The following SLX4 variants were observed in gnomAD, a reference collection of about 807,000 sequenced individuals.
The protein encoded by SLX4 is SLX4 structure-specific endonuclease subunit, also known as structure-specific endonuclease subunit SLX4.
Under a neutral mutation model 146.2 loss-of-function variants are expected in SLX4, and 112 were observed. The observed-to-expected ratio is 0.77, with a 90% CI of 0.66 to 0.90. SLX4 has a LOEUF of 0.90. Ranked by LOEUF, SLX4 falls within the 40% of genes least tolerant of loss-of-function variation. The pLI is 0.00. For missense variants in SLX4, 2,563 were observed against 2,392.7 expected, an observed-to-expected ratio of 1.07 and a Z score of -1.49; for synonymous variants, 1,061 against 997.7, an observed-to-expected ratio of 1.06 and a Z score of -1.20.
At position 3,582,264 on chromosome 16, in the gene SLX4, G is replaced by A; in HGVS notation, c.*78C>T. 2 of 1,318,158 alleles carry A rather than the reference G, an allele frequency of 1.5e-6. No homozygotes were observed. The highest frequency in any genetic ancestry group is 2.1e-6 in the Non-Finnish European group (2 of 946,152). The allele number at this position is 1,318,158 out of a possible 1,614,324, so 81.7% of individuals were successfully genotyped here. A position where few individuals can be genotyped will look rare whatever the true frequency, so the allele number is the denominator to read the frequency against. On this transcript the variant is annotated 3_prime_UTR_variant, in exon 15 of 15. Transcript: ENST00000294008. ...GCCTGTGGAGGCCTGACCCACGCTGGGTGTCCCAGGTCCTCCCTGCAAATG... is the reference window on the plus strand; with the variant it reads ...GCCTGTGGAGGCCTGACCCACGCTGAGTGTCCCAGGTCCTCCCTGCAAATG...
chr16:3,582,379 CGCCTCCTGCCCTGGA>C lies in SLX4; in HGVS notation c.5453_5467del (p.Leu1818_Arg1822del), dbSNP rs1555449259. ...CACCTTCTTCTTGCCCCGAGGCTGC[CGCCTCCTGCCCTGGA>C]GCTTCTCCCTGCGGGTGGCGGCAGT... On this transcript the variant is annotated inframe_deletion, in exon 15 of 15. Transcript: ENST00000294008. 6.2e-7 allele frequency: 1 copy of C among 1,613,452 alleles called. No individual in the cohort carries two copies. The highest frequency in any genetic ancestry group is 8.5e-7 in the Non-Finnish European group (1 of 1,180,054).
rs3810814 is a variant in SLX4 at position 3,589,876 on chromosome 16, C to T, written c.3762G>A (p.Ser1254=). The part of the protein sequence containing the change: ...SPSEASTTDT[S]WLVPATPLAS... ...CCAGCGGGGTGGCGGGCACCAGCCA[C>T]GAGGTGTCTGTGGTGCTGGCCTCGC... The change falls in exon 12 of 15, where the codon TCG becomes TCA. Residue 1254 remains serine, a synonymous_variant. Transcript: ENST00000294008. The surrounding 1 kb of genome is among the most constrained non-coding windows in gnomAD (Gnocchi z 6.2). The T allele has an allele frequency of 2.1e-4, 336 of 1,613,746 alleles. 4 individuals carry two copies. In the East Asian group the frequency reaches 6.7e-3, roughly 32 times the overall value.
intron 11 of SLX4, 147 bp from the exon 12 acceptor site, chr16:3,591,457 A>T (rs542696055): frequency 8.3e-6 from 10 of 1,210,192 alleles, no homozygotes; most frequent in Non-Finnish European, 1.2e-5. Context: ...CGGTGTCCAC[A>T]CTCCTTGCCA....
intron 10 of SLX4, 109 bp downstream of exon 10, chr16:3,594,344 G>T (rs2040626006): frequency 7.0e-7 from 1 of 1,438,798 alleles, no homozygotes; most frequent in Non-Finnish European, 9.5e-7. Context: ...GTGAGGGAGA[G>T]TGGGGGGGTG....
intron 5 of SLX4, among the ~76,000 whole-genome samples, chr16:3,599,826 T>C (rs1262287064): frequency 6.6e-6 from 1 of 152,178 alleles, no homozygotes; most frequent in Non-Finnish European, 1.5e-5. Flanking sequence ...GCTCAAGTGA[T>C]CCTTCCGCCC....
chr16:3,589,059 G>A lies in SLX4; in HGVS notation c.4579C>T (p.Pro1527Ser). ...EEQRPPETPP[P>S]AQMPSAGGAQ... The stretch of plus-strand genomic sequence containing the variant: ...CCACCAGCGCTTGGCATCTGGGCCG[G>A]AGGAGGGGTCTCTGGAGGCCTCTGC... The change falls in exon 12 of 15, where the codon CCG (proline) becomes TCG (serine). Residue 1527 changes from proline (P) to serine (S), a missense_variant. Coordinates refer to ENST00000294008, the MANE Select transcript of SLX4 (RefSeq NM_032444.4). The surrounding 1 kb of genome is among the most constrained non-coding windows in gnomAD (Gnocchi z 6.2). 6.2e-7 allele frequency: 1 copy of A among 1,614,182 alleles called. No homozygotes were observed. Among genetic ancestry groups the A allele is most frequent in the Non-Finnish European group, 8.5e-7 (1 of 1,180,038 alleles).
In SLX4 at chr16:3,608,677, A is replaced by T; in HGVS notation, c.288T>A (p.Thr96=). 1 of 1,614,136 alleles carries T rather than the reference A, an allele frequency of 6.2e-7. No homozygotes were observed. The highest frequency in any genetic ancestry group is 8.5e-7 in the Non-Finnish European group (1 of 1,180,026). ...CTTGAAGGGTTTTGGTCTTGGTAGC[A>T]GTTTGTTTGGTCCTTTTCAATTTGC... ...IRSKLKRTKQ[T]ATKTKTLQGP... Residue 96 remains threonine (T), a synonymous_variant, in exon 2 of 15, where the codon ACT becomes ACA. Transcript: ENST00000294008.
At position 3,583,864 on chromosome 16, in the gene SLX4, G is replaced by A. The variant is rs554615806; in HGVS notation, c.4740-354C>T. On this transcript the variant is annotated intron_variant, in intron 13 of 14. Transcript: ENST00000294008. ...CAAAAAATACAAAAATTAGCCAGGCGTGGTGGTGTCACCTGTAGTCCCAGC... is the reference window on the plus strand; with the variant it reads ...CAAAAAATACAAAAATTAGCCAGGCATGGTGGTGTCACCTGTAGTCCCAGC... Among the ~76,000 whole-genome samples the A allele has an allele frequency of 5.9e-5, 9 of 152,064 alleles. 1 individual carries two copies. Among genetic ancestry groups the A allele is most frequent in the African/African-American group, 9.7e-5 (4 of 41,406 alleles).
rs2040565444 is a variant in SLX4, at chr16:3,590,129, G to A, written c.3509C>T (p.Ser1170Phe). Residue 1170 changes from serine (S) to phenylalanine (F), a missense_variant, in exon 12 of 15, where the codon TCC becomes TTC. Ser to Phe is a radical substitution (Grantham distance 155). Transcript: ENST00000294008. This position sits in a 1 kb window ranked among gnomAD's most constrained non-coding sequence, Gnocchi z 4.8. ...ELELEQTKMK[S>F]ISSDPLEEKK... ...TTCTTCCAGAGGATCACTAGAAATG[G>A]ACTTCATTTTGGTTTGTTCTAGCTC... 1 of 1,614,056 alleles carries A rather than the reference G, an allele frequency of 6.2e-7. No homozygotes were observed. The highest frequency in any genetic ancestry group is 1.3e-5 in the African/African-American group (1 of 74,908).
Position 3,590,111 on chromosome 16 carries a change from A to G in SLX4, c.3527T>C (p.Leu1176Pro). 6.2e-7 allele frequency: 1 copy of G among 1,614,182 alleles called. No homozygotes were observed. Among genetic ancestry groups the G allele is most frequent in the Non-Finnish European group, 8.5e-7 (1 of 1,180,044 alleles). The change falls in exon 12 of 15, where the codon CTG (leucine) becomes CCG (proline). Residue 1176 changes from leucine (L) to proline (P), a missense_variant. By Grantham distance (98) the Leu-to-Pro change is moderately conservative (BLOSUM62 -3). Coordinates refer to ENST00000294008, the MANE Select transcript of SLX4 (RefSeq NM_032444.4). The surrounding 1 kb of genome is among the most constrained non-coding windows in gnomAD (Gnocchi z 4.8). ...TKMKSISSDP[L>P]EEKKALEISP... ...AATTTCTAGAGCTTTCTTTTCTTCC[A>G]GAGGATCACTAGAAATGGACTTCAT... is the stretch of plus-strand genomic sequence containing the variant.
At chr16:3,606,079 G>A (rs1030347058) in intron 3 of SLX4, among the ~76,000 whole-genome samples, 5 of 151,988 alleles carry the variant, frequency 3.3e-5, no homozygotes, top group African/African-American at 1.2e-4. Flanking sequence ...GGCCAACTTG[G>A]CGAAACCCTG....
rs925536432 is a variant in SLX4 at position 3,598,014 on chromosome 16, A to C, written c.1164-15T>G. ...GATCACTGAAGCTAGAAAACAGCCA[A>C]AGAGAAAAGTTACTGGGGCTAGAGG... On this transcript the variant is annotated splice_polypyrimidine_tract_variant and intron_variant, in intron 5 of 14. Transcript: ENST00000294008. The C allele has an allele frequency of 2.5e-6, 4 of 1,613,934 alleles. No homozygotes were observed. Among genetic ancestry groups the C allele is most frequent in the Middle Eastern group, 1.6e-4 (1 of 6,084 alleles).
chr16:3,592,806 C>G lies in SLX4; in HGVS notation c.2220G>C (p.Leu740=). 3.1e-6 allele frequency: 5 copies of G among 1,612,528 alleles called. No individual in the cohort carries two copies. Among genetic ancestry groups the G allele is most frequent in the Non-Finnish European group, 4.2e-6 (5 of 1,180,012 alleles). The change falls in exon 11 of 15, where the codon CTG becomes CTC. Residue 740 remains leucine (L), a synonymous_variant. Transcript: ENST00000294008. ...EDGVLTQRVL[L]GDVSTEAART... ...GGGCGGCCTCGGTGCTCACGTCACC[C>G]AGCAGGACACGCTGGGTCAGAACCC...
chr16:3,602,908 G>T (rs1326528535), intron 3 of SLX4, among the ~76,000 whole-genome samples: 1 of 152,138 alleles, frequency 6.6e-6, no homozygotes, highest in Non-Finnish European at 1.5e-5. Flanking sequence ...TGGCCCATCT[G>T]ATATTGCTGG....
At position 3,589,638 on chromosome 16, in the gene SLX4, C is replaced by T; in HGVS notation, c.4000G>A (p.Asp1334Asn). ...CLTPVSPGTS[D>N]GRRQGHRSPS... The stretch of plus-strand genomic sequence containing the variant: ...CTTCTGTGGCCTTGCCTTCTGCCGT[C>T]AGAAGTTCCTGGAGAGACGGGAGTG... Residue 1334 changes from aspartate to asparagine, a missense_variant, in exon 12 of 15, where the codon GAC becomes AAC. Transcript: ENST00000294008. This position sits in a 1 kb window ranked among gnomAD's most constrained non-coding sequence, Gnocchi z 6.2. 6.2e-7 allele frequency: 1 copy of T among 1,613,998 alleles called. No homozygotes were observed. The highest frequency in any genetic ancestry group is 8.5e-7 in the Non-Finnish European group (1 of 1,180,030).
At position 3,590,717 on chromosome 16, in the gene SLX4, A is replaced by G. The variant is rs1340097501; in HGVS notation, c.2921T>C (p.Leu974Pro). ...DCQAERKEGS[L>P]PHSDDAGDYE... ...ATCCCCGGCATCATCTGAGTGCGGA[A>G]GAGAGCCTTCTTTTCTCTCTGCCTG... is the stretch of plus-strand genomic sequence containing the variant. Residue 974 changes from leucine to proline, a missense_variant, in exon 12 of 15, where the codon CTT (leucine) becomes CCT (proline). By Grantham distance (98) the Leu-to-Pro change is moderately conservative. Coordinates refer to ENST00000294008, the MANE Select transcript of SLX4 (RefSeq NM_032444.4). The surrounding 1 kb of genome is among the most constrained non-coding windows in gnomAD (Gnocchi z 4.8). 5.0e-6 allele frequency: 8 copies of G among 1,614,188 alleles called. No homozygotes were observed. The highest frequency in any genetic ancestry group is 1.7e-5 in the Admixed American group (1 of 60,024).
intron 3 of SLX4, 26 bp from the exon 4 acceptor site, chr16:3,602,333 G>A (rs2151135117): frequency 6.2e-7 from 1 of 1,611,976 alleles, no homozygotes; most frequent in Non-Finnish European, 8.5e-7. Context: ...AAAGATCCGT[G>A]AGAATAAACT....
At chr16:3,604,836 G>C (rs1260829183) in intron 3 of SLX4, among the ~76,000 whole-genome samples, 4 of 141,568 alleles carry the variant, frequency 2.8e-5, no homozygotes, top group Non-Finnish European at 4.6e-5. Flanking sequence ...AAAAAAAAAT[G>C]TATATTTATA....
Position 3,606,585 on chromosome 16 carries a change from T to C in SLX4, c.649A>G (p.Lys217Glu), listed in dbSNP as rs377519438. The C allele has an allele frequency of 6.2e-7, 1 of 1,614,202 alleles. No individual in the cohort carries two copies. The highest frequency in any genetic ancestry group is 8.5e-7 in the Non-Finnish European group (1 of 1,180,038). The stretch of plus-strand genomic sequence containing the variant: ...CTCAAACGCTCGGGGTCTGCTCTCT[T>C]GAACTGCTGCATTCGCTGTAGGACC... ...QLVLQRMQQFKRADPERLRHA... is the reference protein window; with the variant it reads ...QLVLQRMQQFERADPERLRHA... Residue 217 changes from lysine (K) to glutamate (E), a missense_variant, in exon 3 of 15, where the codon AAG becomes GAG. Coordinates refer to ENST00000294008, the MANE Select transcript of SLX4 (RefSeq NM_032444.4).
Sources: gnomAD v4.1 joint callset for allele counts (sites outside exome capture counted in the v4.1 genomes callset) on GRCh38, gnomAD v4.1.1 for gene constraint, Gnocchi (gnomAD v3.1) non-coding constraint, MANE v1.5 for transcripts, NCBI Gene and HGNC (gene_info 2026-07-23, HGNC 2026-07-21) for gene names.